RHPN2: variants seen among roughly 807,000 people sequenced by gnomAD.
RHPN2 encodes rhophilin Rho GTPase binding protein 2, also known as rhophilin-2.
In RHPN2, 40 loss-of-function variants were observed where a neutral mutation model predicts 79.0. That is an observed-to-expected ratio of 0.51 (90% CI 0.39 to 0.66). The LOEUF (loss-of-function observed/expected upper bound fraction) is 0.66. RHPN2 is among the 30% of genes least tolerant of loss of function. RHPN2 has a pLI of 0.00. For missense variants in RHPN2, 686 were observed against 883.5 expected (o/e 0.78, Z 2.83); for synonymous variants, 285 against 363.5 (o/e 0.78, Z 2.46).
chr19:33,047,826 C>T (rs761201541), intron 1 of RHPN2, among the ~76,000 whole-genome samples: 48 of 152,114 alleles, frequency 3.2e-4, no homozygotes, highest in Non-Finnish European at 6.8e-4. Flanking sequence ...GCCAGAGGAT[C>T]GCTTGAGGCC....
rs1490751231 is a variant in RHPN2, at chr19:33,044,271, T to C, written c.163A>G (p.Thr55Ala). The C allele has an allele frequency of 6.2e-7, 1 of 1,613,778 alleles. No homozygotes were observed. The highest frequency in any genetic ancestry group is 8.5e-7 in the Non-Finnish European group (1 of 1,179,810). The change falls in exon 2 of 15, where the codon ACC becomes GCC. Residue 55 changes from threonine to alanine, a missense_variant. By Grantham distance (58) the Thr-to-Ala change is moderately conservative. Coordinates refer to ENST00000254260, the MANE Select transcript of RHPN2 (RefSeq NM_033103.5). ...QQILKAVRMR[T>A]GAENLLKVAT... ...TACTTCAGAAGGTTTTCCGCTCCGGTCCTCATCCGCACGGCTTTCAGGATC... is the reference window on the plus strand; with the variant it reads ...TACTTCAGAAGGTTTTCCGCTCCGGCCCTCATCCGCACGGCTTTCAGGATC...
At chr19:33,026,756 T>G (rs1971971280) in intron 2 of RHPN2, 124 bp from the exon 3 acceptor site, 23 of 1,194,490 alleles carry the variant, frequency 1.9e-5, no homozygotes, top group Middle Eastern at 2.5e-4. Flanking sequence ...GGGCCAGGAG[T>G]GTCGGTTAAG....
chr19:33,060,025 G>A (rs1972266411), intron 1 of RHPN2, among the ~76,000 whole-genome samples: 1 of 152,194 alleles, frequency 6.6e-6, no homozygotes, highest in Non-Finnish European at 1.5e-5. Flanking sequence ...CCATGGAGTG[G>A]GCTCTCTGCT....
At chr19:33,048,193 T>C (rs1972157284) in intron 1 of RHPN2, among the ~76,000 whole-genome samples, 2 of 151,586 alleles carry the variant, frequency 1.3e-5, no homozygotes, top group Non-Finnish European at 2.9e-5. Flanking sequence ...GTAGCTGGAA[T>C]TACAGGCACC....
chr19:33,045,630 C>T (rs568125344), intron 1 of RHPN2, among the ~76,000 whole-genome samples: 56 of 151,820 alleles, frequency 3.7e-4, no homozygotes, highest in African/African-American at 1.3e-3. Context: ...CCCACCACCA[C>T]GCCTGGCTAA....
chr19:32,982,585 C>T (rs1253731284), intron 14 of RHPN2, among the ~76,000 whole-genome samples: 1 of 151,988 alleles, frequency 6.6e-6, no homozygotes, highest in Non-Finnish European at 1.5e-5. Context: ...TCATTTAAAA[C>T]AATAATAAAA....
Position 33,013,840 on chromosome 19 carries a change from T to C in RHPN2, c.391-1116A>G, listed in dbSNP as rs562285152. On this transcript the variant is annotated intron_variant, in intron 4 of 14. Coordinates refer to ENST00000254260, the MANE Select transcript of RHPN2 (RefSeq NM_033103.5). ...GCCAAGAAGACCCTTAACCATGTTA[T>C]AAAGGCATTTTATTTTATTTTACTT... 6.7e-5 allele frequency among the ~76,000 whole-genome samples: 10 copies of C among 149,068 alleles called. No individual in the cohort carries two copies. The South Asian group carries it at 2.2e-3, about 32-fold the overall frequency.
chr19:32,978,937 C>T lies in RHPN2; in HGVS notation c.*1059G>A, dbSNP rs2145994976. Reference sequence around the variant, plus strand: ...CTGAGGTGGGTGGATCATTTGAGGTCAGGATTTCGAAACCCGCCTGGCCAA... The same window carrying T: ...CTGAGGTGGGTGGATCATTTGAGGTTAGGATTTCGAAACCCGCCTGGCCAA... On this transcript the variant is annotated 3_prime_UTR_variant, in exon 15 of 15. Transcript: ENST00000254260. 6.6e-6 allele frequency: 1 copy of T among 152,250 alleles called. No homozygotes were observed. The highest frequency in any genetic ancestry group is 2.1e-4 in the South Asian group (1 of 4,824). The allele number at this position is 152,250 out of a possible 1,614,324, so 9.4% of individuals were successfully genotyped here.
intron 3 of RHPN2, among the ~76,000 whole-genome samples, chr19:33,022,735 C>G (rs1971935018): frequency 6.6e-6 from 1 of 152,180 alleles, no homozygotes; most frequent in Non-Finnish European, 1.5e-5. Context: ...AGGAGACCTC[C>G]TTGGGCTGCT....
intron 10 of RHPN2, among the ~76,000 whole-genome samples, chr19:32,998,091 G>C (rs1971717350): frequency 6.6e-6 from 1 of 152,206 alleles, no homozygotes; most frequent in African/African-American, 2.4e-5. Context: ...ACCAGGCTCT[G>C]AAGGGGCAGC....
At chr19:32,984,041 C>T (rs1340523046) in intron 14 of RHPN2, among the ~76,000 whole-genome samples, 2 of 152,216 alleles carry the variant, frequency 1.3e-5, no homozygotes, top group African/African-American at 4.8e-5. Flanking sequence ...GTAGGCCTAA[C>T]TCTTCCATCC....
chr19:33,059,359 C>T (rs111682936), intron 1 of RHPN2, among the ~76,000 whole-genome samples: 3,474 of 149,892 alleles, frequency 0.023, 129 homozygotes, highest in African/African-American at 0.081. Flanking sequence ...AGTGCAGTGG[C>T]GCGATCTCGG....
At chr19:33,042,338 A>T (rs1972107195) in intron 2 of RHPN2, among the ~76,000 whole-genome samples, 1 of 152,190 alleles carries the variant, frequency 6.6e-6, no homozygotes, top group African/African-American at 2.4e-5. Context: ...ACCCTAGGCC[A>T]CAAAACATAC....
At chr19:33,027,123 G>A (rs1971974547) in intron 2 of RHPN2, 3 of 253,570 alleles carry the variant, frequency 1.2e-5, no homozygotes, top group Non-Finnish European at 2.3e-5. Flanking sequence ...AGCTGGGTGT[G>A]GTGGTGCATG....
chr19:33,024,458 T>C (rs6510327), intron 3 of RHPN2, among the ~76,000 whole-genome samples: 8,835 of 151,666 alleles, frequency 0.058, 516 homozygotes, highest in African/African-American at 0.16. Context: ...AAACAAACAA[T>C]AAAAACCGTA....
At chr19:33,038,014 G>A (rs1443106141) in intron 2 of RHPN2, among the ~76,000 whole-genome samples, 2 of 152,002 alleles carry the variant, frequency 1.3e-5, no homozygotes, top group African/African-American at 4.8e-5. Flanking sequence ...ACCAGCCTGA[G>A]CATCATAGGG....
intron 6 of RHPN2, among the ~76,000 whole-genome samples, chr19:33,010,478 G>A (rs1008904095): frequency 1.7e-4 from 25 of 151,382 alleles, no homozygotes; most frequent in Non-Finnish European, 3.4e-4. Context: ...TGCCTCCCGG[G>A]TTCAGGCGAT....
intron 1 of RHPN2, among the ~76,000 whole-genome samples, chr19:33,058,547 C>T (rs575541312): frequency 9.5e-4 from 145 of 152,156 alleles, no homozygotes; most frequent in Admixed American, 2.9e-3. Flanking sequence ...TTTGGGAGGC[C>T]GAGGCAGGTG....
At chr19:33,017,422 C>T (rs945470742) in intron 4 of RHPN2, among the ~76,000 whole-genome samples, 2 of 151,930 alleles carry the variant, frequency 1.3e-5, no homozygotes, top group Non-Finnish European at 2.9e-5. Flanking sequence ...AAGCAACAGA[C>T]AAATTAAATC....
Sources: allele counts gnomAD v4.1 joint callset (sites outside exome capture counted in the v4.1 genomes callset), GRCh38; gene constraint gnomAD v4.1.1; transcripts MANE v1.5; gene names NCBI Gene and HGNC (gene_info 2026-07-23, HGNC 2026-07-21).